Variants in RYR3 observed in about 807,000 individuals in gnomAD.
The protein encoded by RYR3 is ryanodine receptor 3, also known as brain ryanodine receptor-calcium release channel.
In RYR3, 207 loss-of-function variants were observed where a neutral mutation model predicts 584.3. That is an observed-to-expected ratio of 0.35 (90% confidence interval 0.32 to 0.40). The LOEUF (loss-of-function observed/expected upper bound fraction) is 0.40, where lower values mean the gene tolerates loss of function less well. RYR3 is among the 10% of genes least tolerant of loss of function. The pLI is 1.00. For synonymous variants in RYR3, 2,416 were observed against 2,248.5 expected (o/e 1.07, Z -2.11); for missense variants, 5,616 against 6,089.2 (o/e 0.92, Z 2.59).
chr15:33,417,333 C>T (rs1238348684), intron 1 of RYR3, among the ~76,000 whole-genome samples: 1 of 152,002 alleles, frequency 6.6e-6, no homozygotes, highest in Non-Finnish European at 1.5e-5. Context: ...TGGAATGTCT[C>T]TCCATTTGTT....
chr15:33,631,456 C>G (rs1307586886), intron 23 of RYR3, among the ~76,000 whole-genome samples, 163 bp downstream of exon 23: 4 of 152,162 alleles, frequency 2.6e-5, no homozygotes, highest in African/African-American at 9.7e-5. Flanking sequence ...CAGATAGAAG[C>G]CTGGTGAAGA....
chr15:33,748,489 C>A lies in RYR3; in HGVS notation c.8158C>A (p.Pro2720Thr), dbSNP rs755555885. 6 of 1,613,396 alleles carry A rather than the reference C, an allele frequency of 3.7e-6. No homozygotes were observed. The highest frequency in any genetic ancestry group is 1.3e-5 in the African/African-American group (1 of 75,004). The change falls in exon 55 of 104, where the codon CCC (proline) becomes ACC (threonine). Residue 2720 changes from proline (P) to threonine (T), a missense_variant. Transcript: ENST00000634891. Reference protein sequence around the residue: ...ANQGNSYSPAPLDLSNVVLSR... With the variant: ...ANQGNSYSPATLDLSNVVLSR... ...CTAGGGCAACAGCTACAGTCCTGCT[C>A]CCCTCGACCTCTCAAACGTTGTGCT...
At chr15:33,686,851 C>T (rs1057156360) in intron 38 of RYR3, among the ~76,000 whole-genome samples, 1 of 152,138 alleles carries the variant, frequency 6.6e-6, no homozygotes, top group Non-Finnish European at 1.5e-5. Context: ...TGCAGAAAAG[C>T]CTTCGACAAA....
At chr15:33,580,617 T>C (rs1362834296) in intron 13 of RYR3, among the ~76,000 whole-genome samples, 1 of 152,044 alleles carries the variant, frequency 6.6e-6, no homozygotes, top group East Asian at 1.9e-4. Flanking sequence ...ATGAGGAAAA[T>C]ATCAGCTTGG....
chr15:33,706,985 G>C lies in RYR3; in HGVS notation c.6550G>C (p.Asp2184His). ...CATGCTTCTGGCCAAAGGATACCCT[G>C]ATGTCGGCTGGAACCCCATTGAAGG... ...CPMLLAKGYP[D>H]VGWNPIEGER... The change falls in exon 43 of 104, where the codon GAT (aspartate) becomes CAT (histidine). Residue 2184 changes from aspartate to histidine, a missense_variant. Transcript: ENST00000634891. 6.2e-7 allele frequency: 1 copy of C among 1,613,762 alleles called. No individual in the cohort carries two copies. The highest frequency in any genetic ancestry group is 1.1e-5 in the South Asian group (1 of 90,924).
chr15:33,482,061 T>A (rs2142354883), intron 2 of RYR3, among the ~76,000 whole-genome samples: 1 of 152,254 alleles, frequency 6.6e-6, no homozygotes, highest in Admixed American at 6.5e-5. Flanking sequence ...TAGATCCAGA[T>A]TTCTATCTGG....
chr15:33,530,543 A>G, intron 3 of RYR3, 49 bp from the exon 4 acceptor site: 1 of 1,311,456 alleles, frequency 7.6e-7, no homozygotes, highest in South Asian at 1.2e-5. Flanking sequence ...TGGCTCCCGG[A>G]GAAGCCACAA....
chr15:33,394,207 C>T (rs1423682727), intron 1 of RYR3, among the ~76,000 whole-genome samples: 5 of 152,188 alleles, frequency 3.3e-5, no homozygotes, highest in South Asian at 2.1e-4. Flanking sequence ...AACTCCCACG[C>T]GGAGTAAAAT....
chr15:33,348,041 A>G (rs921673754), intron 1 of RYR3, among the ~76,000 whole-genome samples: 6 of 152,206 alleles, frequency 3.9e-5, no homozygotes, highest in Middle Eastern at 3.4e-3. Flanking sequence ...ACATTCCTAT[A>G]TGTAACAATC....
rs562265847 is a variant in RYR3 at position 33,534,518 on chromosome 15, AT to A, written c.433+1139del. ...CTTTGGGAACCAATGGATTATTATTATTTTTTTTTTAGTATAGTCAAAAATA... is the reference window on the plus strand; with the variant it reads ...CTTTGGGAACCAATGGATTATTATTATTTTTTTTTAGTATAGTCAAAAATA... On this transcript the variant is annotated intron_variant, in intron 5 of 103. Coordinates refer to ENST00000634891, the MANE Select transcript of RYR3 (RefSeq NM_001036.6). Among the ~76,000 whole-genome samples, 239 of 150,256 alleles carry A rather than the reference AT, an allele frequency of 1.6e-3. 1 individual carries two copies. The highest frequency in any genetic ancestry group is 5.3e-3 in the African/African-American group (216 of 41,108).
intron 48 of RYR3, among the ~76,000 whole-genome samples, chr15:33,734,333 A>T (rs2069216344): frequency 6.6e-6 from 1 of 152,226 alleles, no homozygotes; most frequent in South Asian, 2.1e-4. Context: ...TTAATAAGGT[A>T]CCTAGGTTTT....
At chr15:33,711,056 T>A (rs1476534335) in intron 43 of RYR3, among the ~76,000 whole-genome samples, 2 of 152,190 alleles carry the variant, frequency 1.3e-5, no homozygotes, top group Non-Finnish European at 2.9e-5. Context: ...TTGCTCTACA[T>A]CCTACTTGAT....
chr15:33,349,852 T>C (rs1241514944), intron 1 of RYR3, among the ~76,000 whole-genome samples: 3 of 151,420 alleles, frequency 2.0e-5, no homozygotes, highest in Non-Finnish European at 2.9e-5. Flanking sequence ...GTGTTTGGTT[T>C]TTTGTTCTTG....
chr15:33,530,445 C>G (rs185935114), intron 3 of RYR3, 147 bp from the exon 4 acceptor site: 1 of 634,832 alleles, frequency 1.6e-6, no homozygotes, highest in African/African-American at 1.8e-5. Context: ...TGCCCGTAGA[C>G]CAGCCACTTG....
chr15:33,311,202 C>T lies in RYR3; in HGVS notation c.51+106C>T, dbSNP rs1567001758. On this transcript the variant is annotated intron_variant, in intron 1 of 103. Coordinates refer to ENST00000634891, the MANE Select transcript of RYR3 (RefSeq NM_001036.6). This position sits in a 1 kb window ranked among gnomAD's most constrained non-coding sequence, Gnocchi z 4.4. ...CGCCGCGGTGCCGGGTGCCCGGTGC[C>T]GGGCGCTTTCTCCGCACCCGCGGGC... 2.3e-6 allele frequency: 2 copies of T among 863,016 alleles called. No homozygotes were observed. The highest frequency in any genetic ancestry group is 4.4e-5 in the Admixed American group (1 of 22,940). 53.5% of individuals were successfully genotyped at this position (863,016 alleles called of 1,614,324 possible).
At chr15:33,350,278 C>T (rs573902678) in intron 1 of RYR3, among the ~76,000 whole-genome samples, 37 of 152,252 alleles carry the variant, frequency 2.4e-4, no homozygotes, top group African/African-American at 8.2e-4. Flanking sequence ...GAGTGACCTA[C>T]AAAGAGACTT....
intron 2 of RYR3, among the ~76,000 whole-genome samples, chr15:33,494,035 T>C (rs951855093): frequency 3.3e-5 from 5 of 152,178 alleles, no homozygotes; most frequent in African/African-American, 9.7e-5. Flanking sequence ...GATCTGTTGA[T>C]CAATGTCAAT....
intron 36 of RYR3, among the ~76,000 whole-genome samples, chr15:33,668,887 A>G (rs950810209): frequency 6.6e-6 from 1 of 152,228 alleles, no homozygotes; most frequent in African/African-American, 2.4e-5. Flanking sequence ...ATAGAAACAA[A>G]TATGTCATAA....
rs755499632 is a variant in RYR3, at chr15:33,854,879, C to T, written c.13974C>T (p.Thr4658=). 5 of 1,612,684 alleles carry T rather than the reference C, an allele frequency of 3.1e-6. No homozygotes were observed. The South Asian group carries it at 5.5e-5, about 18-fold the overall frequency. ...DIAMGFKTLR[T]ILSSVTHNGK... ...CAATGGGCTTCAAGACACTGAGGACCATTCTGTCATCTGTAACTCACAATG... is the reference window on the plus strand; with the variant it reads ...CAATGGGCTTCAAGACACTGAGGACTATTCTGTCATCTGTAACTCACAATG... Residue 4658 remains threonine (T), a synonymous_variant, in exon 98 of 104, where the codon ACC becomes ACT. Coordinates refer to ENST00000634891, the MANE Select transcript of RYR3 (RefSeq NM_001036.6).
Sources: allele counts gnomAD v4.1 joint callset (sites outside exome capture counted in the v4.1 genomes callset), GRCh38; gene constraint gnomAD v4.1.1; non-coding constraint Gnocchi (gnomAD v3.1); transcripts MANE v1.5; gene names NCBI Gene and HGNC (gene_info 2026-07-23, HGNC 2026-07-21).